CHST9: variants seen among roughly 807,000 people sequenced by gnomAD.
CHST9 encodes GalNAc-4-sulfotransferase 2.
CHST9 carries 41 observed loss-of-function variants against 44.4 expected under a neutral mutation model. The ratio of observed to expected loss-of-function variants is 0.92; its 90% CI spans 0.72 to 1.20. The LOEUF (loss-of-function observed/expected upper bound fraction) is 1.20. Ranked by LOEUF, CHST9 falls within the 50% of genes most tolerant of loss-of-function variation. The pLI, the probability that CHST9 is intolerant of heterozygous loss-of-function variation, is 0.00. For missense variants in CHST9, 504 were observed against 516.5 expected (o/e 0.98, Z 0.23); for synonymous variants, 171 against 178.4 (o/e 0.96, Z 0.33).
At chr18:27,019,232 C>T (rs887781235) in intron 4 of CHST9, among the ~76,000 whole-genome samples, 4 of 152,296 alleles carry the variant, frequency 2.6e-5, no homozygotes, top group African/African-American at 4.8e-5. Context: ...CACCAAGTGC[C>T]GGTTTGTGGA....
Position 27,142,783 on chromosome 18 carries a change from GT to G in CHST9, c.26del (p.Asn9ThrfsTer10). On this transcript the variant is annotated frameshift_variant, in exon 2 of 6. Transcript: ENST00000618847. LOFTEE classifies it high-confidence loss of function. MQPSEMVM[N>X]PKQVFLSVLI... is the part of the protein sequence containing the mutation. ...GCACAGAGAGGAAGACTTGTTTGGG[GT>G]TCATGACCATTTCAGATGGCTGCAT... is the stretch of plus-strand genomic sequence containing the variant. 1.9e-6 allele frequency: 3 copies of G among 1,610,354 alleles called. No individual in the cohort carries two copies. The highest frequency in any genetic ancestry group is 2.5e-6 in the Non-Finnish European group (3 of 1,178,458).
intron 2 of CHST9, among the ~76,000 whole-genome samples, chr18:27,049,214 T>A (rs2057538000): frequency 6.6e-6 from 1 of 151,962 alleles, no homozygotes; most frequent in Non-Finnish European, 1.5e-5. Context: ...AGGGAAGTAG[T>A]GGATGCAAGA....
chr18:27,121,801 T>G (rs1166400482), intron 2 of CHST9, among the ~76,000 whole-genome samples: 1 of 152,166 alleles, frequency 6.6e-6, no homozygotes, highest in Non-Finnish European at 1.5e-5. Context: ...CTCTGGACTT[T>G]CCAGGGGCGA....
At chr18:27,007,069 C>A (rs554163254) in intron 4 of CHST9, among the ~76,000 whole-genome samples, 1 of 152,234 alleles carries the variant, frequency 6.6e-6, no homozygotes, top group Admixed American at 6.5e-5. Context: ...AGGCGCAATC[C>A]CCACTCTGGT....
chr18:27,056,981 C>T (rs1263608531), intron 2 of CHST9, among the ~76,000 whole-genome samples: 3 of 152,170 alleles, frequency 2.0e-5, no homozygotes, highest in Admixed American at 6.5e-5. Context: ...GAGCTAAGAT[C>T]ATATGATTTT....
At chr18:26,967,193 T>C (rs1273858817) in intron 4 of CHST9, among the ~76,000 whole-genome samples, 1 of 152,170 alleles carries the variant, frequency 6.6e-6, no homozygotes, top group South Asian at 2.1e-4. Context: ...ACCCCCTATG[T>C]CTTTAAAAGC....
intron 1 of CHST9, among the ~76,000 whole-genome samples, chr18:27,160,318 A>T (rs1055339678): frequency 6.6e-6 from 1 of 152,164 alleles, no homozygotes; most frequent in African/African-American, 2.4e-5. Context: ...TTTTAGCATG[A>T]AGAGTTGTTG....
chr18:26,975,725 G>GTGTATATATA (rs1383045273), intron 4 of CHST9, among the ~76,000 whole-genome samples: 23 of 101,834 alleles, frequency 2.3e-4, no homozygotes, highest in Admixed American at 4.5e-4. Flanking sequence ...GTGTGTGTGT[G>GTGTATATATA]TATATATATA....
chr18:27,082,714 G>GA (rs902701615), intron 2 of CHST9, among the ~76,000 whole-genome samples: 22 of 152,088 alleles, frequency 1.4e-4, no homozygotes, highest in African/African-American at 5.3e-4. Flanking sequence ...CAATACACAA[G>GA]AAAAAGATAT....
chr18:26,964,076 C>T (rs1014519456), intron 4 of CHST9, among the ~76,000 whole-genome samples: 1 of 152,172 alleles, frequency 6.6e-6, no homozygotes, highest in African/African-American at 2.4e-5. Context: ...AAACCACAGA[C>T]ATTTAAAATA....
At chr18:27,129,091 A>G (rs2058450137) in intron 2 of CHST9, among the ~76,000 whole-genome samples, 1 of 151,456 alleles carries the variant, frequency 6.6e-6, no homozygotes, top group African/African-American at 2.5e-5. Flanking sequence ...GAAATAGTAG[A>G]GGAAAGTGAA....
At chr18:27,139,540 A>G (rs1205296424) in intron 2 of CHST9, among the ~76,000 whole-genome samples, 1 of 152,052 alleles carries the variant, frequency 6.6e-6, no homozygotes, top group Non-Finnish European at 1.5e-5. Flanking sequence ...GCCTACCTAG[A>G]AAACTGCAGA....
At chr18:27,078,133 G>A (rs2057924147) in intron 2 of CHST9, among the ~76,000 whole-genome samples, 1 of 152,072 alleles carries the variant, frequency 6.6e-6, no homozygotes, top group Non-Finnish European at 1.5e-5. Context: ...ATTTGGGTGG[G>A]GACACAGAAT....
intron 1 of CHST9, among the ~76,000 whole-genome samples, chr18:27,183,023 T>C (rs1016947657): frequency 6.6e-6 from 1 of 151,660 alleles, no homozygotes; most frequent in Admixed American, 6.6e-5. Flanking sequence ...GAGCATCAAA[T>C]GCTACCCTTG....
intron 1 of CHST9, among the ~76,000 whole-genome samples, chr18:27,150,252 T>A (rs531226017): frequency 2.0e-5 from 3 of 152,260 alleles, no homozygotes; most frequent in Admixed American, 6.5e-5. Flanking sequence ...TGAGCCAGAG[T>A]GACATTGGTA....
chr18:27,182,403 C>T (rs948190286), intron 1 of CHST9, among the ~76,000 whole-genome samples: 9 of 152,118 alleles, frequency 5.9e-5, no homozygotes, highest in Non-Finnish European at 1.0e-4. Context: ...GATAATGGCC[C>T]ACTTTTTCTT....
At chr18:27,129,382 T>C (rs911910112) in intron 2 of CHST9, among the ~76,000 whole-genome samples, 4 of 151,968 alleles carry the variant, frequency 2.6e-5, no homozygotes, top group African/African-American at 9.7e-5. Flanking sequence ...ATTTTTTTTA[T>C]TTTTATTTTT....
At chr18:27,164,063 G>A (rs9957874) in intron 1 of CHST9, among the ~76,000 whole-genome samples, 65,281 of 151,966 alleles carry the variant, frequency 0.43, 14,452 homozygotes, top group East Asian at 0.63. Flanking sequence ...ATAGATACCA[G>A]AAAGAAGCAA....
intron 1 of CHST9, among the ~76,000 whole-genome samples, chr18:27,175,296 C>T (rs748033519): frequency 2.0e-5 from 3 of 151,838 alleles, no homozygotes; most frequent in Non-Finnish European, 2.9e-5. Context: ...ATGGTAAAAT[C>T]TTAGACCACT....
Sources: allele counts gnomAD v4.1 joint callset (sites outside exome capture counted in the v4.1 genomes callset), GRCh38; gene constraint gnomAD v4.1.1; transcripts MANE v1.5; gene names NCBI Gene and HGNC (gene_info 2026-07-23, HGNC 2026-07-21).